Variants in SLC22A3 observed in about 807,000 individuals in gnomAD.
SLC22A3 encodes the protein solute carrier family 22 member 3, also known as EMT organic cation transporter 3.
A neutral mutation model predicts 59.1 loss-of-function variants in SLC22A3; 51 were observed. That is an observed-to-expected ratio of 0.86 (90% confidence interval 0.69 to 1.09). The LOEUF (loss-of-function observed/expected upper bound fraction) is 1.09. Ranked by LOEUF, SLC22A3 falls within the 50% of genes least tolerant of loss-of-function variation. SLC22A3 has a pLI of 0.00. For missense variants in SLC22A3, 711 were observed against 726.3 expected (o/e 0.98, Z 0.24); for synonymous variants, 325 against 292.0 (o/e 1.11, Z -1.15).
chr6:160,395,061 C>A (rs1786416594), intron 1 of SLC22A3, among the ~76,000 whole-genome samples: 1 of 152,224 alleles, frequency 6.6e-6, no homozygotes, highest in Non-Finnish European at 1.5e-5. Context: ...GAAGGGCAGG[C>A]AGTATCTGGC....
At position 160,436,832 on chromosome 6, in the gene SLC22A3, G is replaced by C; in HGVS notation, c.1028G>C (p.Arg343Thr). Residue 343 changes from arginine to threonine, a missense_variant, in exon 6 of 11, where the codon AGA becomes ACA. Transcript: ENST00000275300. ...AATCCATCCTTTTTAGATCTGGTGA[G>C]AACTCCCCAAATGAGGAAATGCACA... ...VSNPSFLDLV[R>T]TPQMRKCTLI... The C allele has an allele frequency of 6.2e-7, 1 of 1,613,788 alleles. No homozygotes were observed. The highest frequency in any genetic ancestry group is 8.5e-7 in the Non-Finnish European group (1 of 1,179,830).
intron 1 of SLC22A3, among the ~76,000 whole-genome samples, chr6:160,368,070 G>A (rs1785269619): frequency 6.6e-6 from 1 of 152,026 alleles, no homozygotes; most frequent in South Asian, 2.1e-4. Context: ...TTGCCTGATA[G>A]TCATGTTGAG....
chr6:160,383,971 C>A (rs917242260), intron 1 of SLC22A3, among the ~76,000 whole-genome samples: 1 of 152,052 alleles, frequency 6.6e-6, no homozygotes, highest in African/African-American at 2.4e-5. Flanking sequence ...ACTCTGTCAC[C>A]CAGGCTGGAG....
chr6:160,439,621 C>T (rs1482645279), intron 7 of SLC22A3, among the ~76,000 whole-genome samples: 2 of 152,166 alleles, frequency 1.3e-5, no homozygotes, highest in African/African-American at 2.4e-5. Flanking sequence ...ACACCAAGAA[C>T]AGACTGTTCT....
chr6:160,351,809 TCA>T (rs1784670825), intron 1 of SLC22A3, among the ~76,000 whole-genome samples: 1 of 152,128 alleles, frequency 6.6e-6, no homozygotes, highest in Admixed American at 6.5e-5. Flanking sequence ...TGTCCTGGCT[TCA>T]TAGAAGAGAG....
chr6:160,398,074 A>G lies in SLC22A3; in HGVS notation c.525A>G (p.Ala175=). 6.2e-7 allele frequency: 1 copy of G among 1,612,836 alleles called. No individual in the cohort carries two copies. The highest frequency in any genetic ancestry group is 1.1e-5 in the South Asian group (1 of 91,064). Residue 175 remains alanine (A), a synonymous_variant, in exon 2 of 11, where the codon GCA becomes GCG. Transcript: ENST00000275300. The part of the protein sequence containing the change: ...FLTGAFTLGY[A]ADRYGRIVIY... The stretch of plus-strand genomic sequence containing the variant: ...CTGGAGCATTCACCTTAGGCTATGC[A>G]GCAGACAGGTAGGTACCAATGTGAC...
chr6:160,373,804 C>A (rs1026007600), intron 1 of SLC22A3, among the ~76,000 whole-genome samples: 1 of 152,154 alleles, frequency 6.6e-6, no homozygotes, highest in Non-Finnish European at 1.5e-5. Flanking sequence ...TTTGTTTACA[C>A]GGTGAGGGGG....
chr6:160,389,585 C>T (rs1168445501), intron 1 of SLC22A3, among the ~76,000 whole-genome samples: 2 of 152,238 alleles, frequency 1.3e-5, no homozygotes, highest in East Asian at 1.9e-4. Context: ...GACTCTGTGA[C>T]ACGTCTCTCC....
chr6:160,448,281 A>C lies in SLC22A3; in HGVS notation c.1610+463A>C, dbSNP rs75511766. 5.5e-3 allele frequency among the ~76,000 whole-genome samples: 835 copies of C among 152,340 alleles called. 7 individuals carry two copies. The highest frequency in any genetic ancestry group is 0.019 in the African/African-American group (803 of 41,582). ...ATGTTATAGTATTTATAAAAAACTA[A>C]AACCAAAGGTGTTTTCTCTCTGCAG... On this transcript the variant is annotated intron_variant, in intron 10 of 10. Coordinates refer to ENST00000275300, the MANE Select transcript of SLC22A3 (RefSeq NM_021977.4).
chr6:160,436,551 T>C (rs1327744355), intron 5 of SLC22A3, among the ~76,000 whole-genome samples: 2 of 152,196 alleles, frequency 1.3e-5, no homozygotes, highest in Non-Finnish European at 2.9e-5. Context: ...TAACATAAAG[T>C]ACTGAAATTA....
Position 160,442,723 on chromosome 6 carries a change from C to T in SLC22A3, c.1289-38C>T, listed in dbSNP as rs768635320. ...TCTGTAAAATGTTAATGAAATCAGACCCCTAACTCCTCCCTTTCAAACTTT... is the reference window on the plus strand; with the variant it reads ...TCTGTAAAATGTTAATGAAATCAGATCCCTAACTCCTCCCTTTCAAACTTT... On this transcript the variant is annotated intron_variant, in intron 7 of 10. Coordinates refer to ENST00000275300, the MANE Select transcript of SLC22A3 (RefSeq NM_021977.4). 2.1e-6 allele frequency: 3 copies of T among 1,432,742 alleles called. No homozygotes were observed. In the East Asian group the frequency reaches 6.8e-5, roughly 33 times the overall value. 88.8% of individuals were successfully genotyped at this position (1,432,742 alleles called of 1,614,324 possible).
intron 1 of SLC22A3, among the ~76,000 whole-genome samples, chr6:160,376,074 T>C (rs1490683110): frequency 6.6e-6 from 1 of 152,152 alleles, no homozygotes; most frequent in East Asian, 1.9e-4. Context: ...AAGTGAATTT[T>C]ACAATAGCAA....
At chr6:160,430,144 CAGAT>C (rs1261749430) in intron 5 of SLC22A3, among the ~76,000 whole-genome samples, 2 of 151,576 alleles carry the variant, frequency 1.3e-5, no homozygotes, top group African/African-American at 4.8e-5. Context: ...TCTATATAGA[CAGAT>C]GGGTTATTTA....
intron 10 of SLC22A3, among the ~76,000 whole-genome samples, chr6:160,450,608 T>G (rs1049498380): frequency 6.6e-6 from 1 of 152,096 alleles, no homozygotes; most frequent in Non-Finnish European, 1.5e-5. Context: ...AAAGTATTAA[T>G]TTTGGGAACT....
intron 1 of SLC22A3, among the ~76,000 whole-genome samples, chr6:160,374,296 A>G (rs1246117301): frequency 2.0e-5 from 3 of 152,092 alleles, no homozygotes; most frequent in African/African-American, 4.8e-5. Flanking sequence ...TGGGTGAGGC[A>G]ATGTCCCACC....
chr6:160,364,044 A>G (rs1164867559), intron 1 of SLC22A3, among the ~76,000 whole-genome samples: 1 of 152,152 alleles, frequency 6.6e-6, no homozygotes, highest in Non-Finnish European at 1.5e-5. Context: ...TATAATAATG[A>G]AAAGCTGTGA....
chr6:160,352,966 A>C (rs1345323872), intron 1 of SLC22A3, among the ~76,000 whole-genome samples: 1 of 152,056 alleles, frequency 6.6e-6, no homozygotes, highest in Admixed American at 6.5e-5. Context: ...GATTACAGGC[A>C]CCCGCCACCG....
chr6:160,367,996 A>C (rs1785266490), intron 1 of SLC22A3, among the ~76,000 whole-genome samples: 1 of 151,886 alleles, frequency 6.6e-6, no homozygotes, highest in South Asian at 2.1e-4. Flanking sequence ...GGCTGAGAGC[A>C]CTGCTGGAGA....
chr6:160,418,383 G>A (rs1249029428), intron 5 of SLC22A3, among the ~76,000 whole-genome samples: 1 of 152,154 alleles, frequency 6.6e-6, no homozygotes. Flanking sequence ...CTGCACTGTT[G>A]GTTTCCCTAC....
Sources: gnomAD v4.1 joint callset for allele counts (sites outside exome capture counted in the v4.1 genomes callset) on GRCh38, gnomAD v4.1.1 for gene constraint, MANE v1.5 for transcripts, NCBI Gene and HGNC (gene_info 2026-07-23, HGNC 2026-07-21) for gene names.